Variants in DOCK8 observed in about 807,000 individuals in gnomAD.
The protein encoded by DOCK8 is dedicator of cytokinesis protein 8.
In DOCK8, 141 loss-of-function variants were observed where a neutral mutation model predicts 245.6. That is an observed-to-expected ratio of 0.57 (90% confidence interval 0.50 to 0.66). The LOEUF (loss-of-function observed/expected upper bound fraction) is 0.66, where lower values mean the gene tolerates loss of function less well. Among genes scored for constraint, DOCK8 ranks in the 30% least tolerant of loss-of-function variants. The pLI, the probability that DOCK8 is intolerant of heterozygous loss-of-function variation, is 0.00. For synonymous variants in DOCK8, 1,168 were observed against 970.2 expected (o/e 1.20, Z -3.79); for missense variants, 2,965 against 2,603.4 (o/e 1.14, Z -3.02).
chr9:438,271 T>C (rs2056969384), intron 39 of DOCK8, among the ~76,000 whole-genome samples: 1 of 152,236 alleles, frequency 6.6e-6, no homozygotes, highest in Non-Finnish European at 1.5e-5. Flanking sequence ...ACTGGAGAAC[T>C]ATGCTTAAGA....
chr9:402,372 T>C (rs894736728), intron 26 of DOCK8, among the ~76,000 whole-genome samples: 5 of 152,222 alleles, frequency 3.3e-5, no homozygotes, highest in African/African-American at 9.6e-5. Flanking sequence ...TAATTACTTC[T>C]GTGATTGGGA....
chr9:447,693 T>C (rs536527895), intron 44 of DOCK8, among the ~76,000 whole-genome samples: 41 of 152,324 alleles, frequency 2.7e-4, no homozygotes, highest in African/African-American at 9.6e-4. Context: ...GTCATTAAAA[T>C]AACAAGTATA....
At chr9:398,863 A>T (rs924213445) in intron 25 of DOCK8, among the ~76,000 whole-genome samples, 1 of 152,168 alleles carries the variant, frequency 6.6e-6, no homozygotes, top group Non-Finnish European at 1.5e-5. Flanking sequence ...CCAACATAGT[A>T]TATAGAGAAT....
Position 463,665 on chromosome 9 carries a change from T to C in DOCK8, c.6217T>C (p.Phe2073Leu). The change falls in exon 47 of 48, where the codon TTC becomes CTC. Residue 2073 changes from phenylalanine (F) to leucine (L), a missense_variant. Physicochemically the swap from Phe to Leu is conservative, Grantham distance 22 (BLOSUM62 0). Transcript: ENST00000432829. ...AATTCCAGAACTGTACAAGCCAATA[T>C]TCAGAGTTGAGAGTCAAAAGAGGTA... ...RKIPELYKPI[F>L]RVESQKRDSF... 3.7e-6 allele frequency: 6 copies of C among 1,613,788 alleles called. No homozygotes were observed. The highest frequency in any genetic ancestry group is 5.1e-6 in the Non-Finnish European group (6 of 1,180,026).
chr9:233,415 G>C (rs1431168728), intron 1 of DOCK8, among the ~76,000 whole-genome samples: 1 of 152,222 alleles, frequency 6.6e-6, no homozygotes, highest in Admixed American at 6.5e-5. Context: ...TGTTAGGTCT[G>C]CTTGGTGCAG....
Position 317,089 on chromosome 9 carries a change from A to G in DOCK8, c.788A>G (p.His263Arg). ...CCAGTACCAGAATGTCCCAAGGAAC[A>G]CCTGGGCAACAGAATATTGGTCAAG... ...IRPVPECPKE[H>R]LGNRILVKLL... Residue 263 changes from histidine to arginine, a missense_variant, in exon 7 of 48, where the codon CAC becomes CGC. His to Arg is a conservative substitution (Grantham distance 29, BLOSUM62 0). Transcript: ENST00000432829. 6.2e-7 allele frequency: 1 copy of G among 1,614,080 alleles called. No homozygotes were observed. Among genetic ancestry groups the G allele is most frequent in the Non-Finnish European group, 8.5e-7 (1 of 1,179,900 alleles).
At chr9:392,020 C>T (rs1411837267) in intron 24 of DOCK8, among the ~76,000 whole-genome samples, 2 of 151,242 alleles carry the variant, frequency 1.3e-5, no homozygotes, top group African/African-American at 4.9e-5. Flanking sequence ...TGCCTGTAAT[C>T]CCATCTACTC....
At chr9:224,053 C>T (rs2046939453) in intron 1 of DOCK8, among the ~76,000 whole-genome samples, 1 of 152,074 alleles carries the variant, frequency 6.6e-6, no homozygotes, top group Admixed American at 6.6e-5. Context: ...GGTACCTTGT[C>T]AAATAGTTCT....
Position 278,594 on chromosome 9 carries a change from C to G in DOCK8, c.156+6865C>G, listed in dbSNP as rs147476464. Among the ~76,000 whole-genome samples the G allele has an allele frequency of 3.3e-5, 5 of 152,256 alleles. No homozygotes were observed. In the East Asian group the frequency reaches 7.7e-4, roughly 24 times the overall value. The stretch of plus-strand genomic sequence containing the variant: ...ATGAAATCGTGACCCAGAAGAGATG[C>G]TTTTAGATTGGATCATCCGTGAAGG... On this transcript the variant is annotated intron_variant, in intron 2 of 47. Transcript: ENST00000432829.
intron 1 of DOCK8, among the ~76,000 whole-genome samples, chr9:248,206 A>C (rs1430373188): frequency 6.6e-6 from 1 of 152,188 alleles, no homozygotes; most frequent in East Asian, 1.9e-4. Flanking sequence ...CCCCTCAAGC[A>C]CCAGGGCTCA....
At chr9:297,913 G>A (rs2049334769) in intron 4 of DOCK8, among the ~76,000 whole-genome samples, 1 of 152,184 alleles carries the variant, frequency 6.6e-6, no homozygotes, top group Non-Finnish European at 1.5e-5. Context: ...AAGGCTTAGA[G>A]TGTACACATT....
chr9:455,975 G>A (rs1207248556), intron 46 of DOCK8, among the ~76,000 whole-genome samples: 1 of 152,170 alleles, frequency 6.6e-6, no homozygotes, highest in Non-Finnish European at 1.5e-5. Flanking sequence ...ATATGTGGAA[G>A]GATGAAGTCC....
rs764950936 is a variant in DOCK8 at position 368,070 on chromosome 9, T to G, written c.1732T>G (p.Ser578Ala). Residue 578 changes from serine to alanine, a missense_variant, in exon 15 of 48, where the codon TCA becomes GCA. This residue lies in a region of DOCK8 where 2,825 missense variants were observed against 2,453.5 expected (regional missense o/e 1.15). Coordinates refer to ENST00000432829, the MANE Select transcript of DOCK8 (RefSeq NM_203447.4). The stretch of plus-strand genomic sequence containing the variant: ...GCTGAACTTTGTAAACAAACTAGCA[T>G]CAGCCCGGAACATTACAATAAAGAT... Reference protein sequence around the residue: ...QRLNFVNKLASARNITIKIQF... With the variant: ...QRLNFVNKLAAARNITIKIQF... The G allele has an allele frequency of 6.8e-6, 11 of 1,614,052 alleles. No homozygotes were observed. The highest frequency in any genetic ancestry group is 1.7e-5 in the Admixed American group (1 of 60,004).
intron 5 of DOCK8, among the ~76,000 whole-genome samples, chr9:311,553 A>C (rs1278207781): frequency 6.6e-6 from 1 of 151,830 alleles, no homozygotes; most frequent in Admixed American, 6.6e-5. Context: ...CACCTGGCCC[A>C]GTCTCCTTTT....
chr9:385,182 A>G (rs1477754812), intron 22 of DOCK8, among the ~76,000 whole-genome samples: 2 of 152,214 alleles, frequency 1.3e-5, no homozygotes, highest in Non-Finnish European at 2.9e-5. Flanking sequence ...GTTATATTAA[A>G]AACAAAGGTA....
chr9:215,148 C>T (rs1247642042), intron 1 of DOCK8, 119 bp downstream of exon 1: 3 of 1,474,512 alleles, frequency 2.0e-6, no homozygotes, highest in Non-Finnish European at 1.8e-6. Flanking sequence ...GCGGGGCGCG[C>T]CTGAGACCTG....
chr9:387,040 G>A (rs1408368097), intron 23 of DOCK8, among the ~76,000 whole-genome samples: 2 of 152,126 alleles, frequency 1.3e-5, no homozygotes, highest in East Asian at 3.8e-4. Context: ...TGGTCTGAGG[G>A]ATGGAGGGAA....
At chr9:351,415 C>T (rs1011020355) in intron 14 of DOCK8, among the ~76,000 whole-genome samples, 1 of 152,200 alleles carries the variant, frequency 6.6e-6, no homozygotes, top group African/African-American at 2.4e-5. Context: ...CTTTCTCACT[C>T]ACCAATCACC....
chr9:214,724 TG>T, upstream of DOCK8: 2 of 1,537,216 alleles, frequency 1.3e-6, no homozygotes, highest in Non-Finnish European at 1.8e-6. Context: ...AGTTCCGCGC[TG>T]GGCCCACGCC....
Sources: gnomAD v4.1 joint callset for allele counts (sites outside exome capture counted in the v4.1 genomes callset) on GRCh38, gnomAD v4.1.1 for gene constraint, gnomAD v4.1.1 regional missense constraint, MANE v1.5 for transcripts, NCBI Gene and HGNC (gene_info 2026-07-23, HGNC 2026-07-21) for gene names.